LRRTM4: variants seen among roughly 807,000 people sequenced by gnomAD.
The protein encoded by LRRTM4 is leucine rich repeat transmembrane neuronal 4.
In LRRTM4, 25 loss-of-function variants were observed where a neutral mutation model predicts 47.6. The observed-to-expected ratio is 0.53, with a 90% CI of 0.38 to 0.73. The LOEUF (loss-of-function observed/expected upper bound fraction) is 0.73, where lower values mean the gene tolerates loss of function less well. Ranked by LOEUF, LRRTM4 falls within the 30% of genes least tolerant of loss-of-function variation. LRRTM4 has a pLI of 0.00. For missense variants in LRRTM4, 638 were observed against 713.4 expected (o/e 0.89, Z 1.20); for synonymous variants, 311 against 269.5 (o/e 1.15, Z -1.51).
At chr2:77,492,918 G>GA (rs1278072339) in intron 3 of LRRTM4, among the ~76,000 whole-genome samples, 4 of 151,966 alleles carry the variant, frequency 2.6e-5, no homozygotes, top group African/African-American at 9.7e-5. Flanking sequence ...GTCAACCTAG[G>GA]AAAATCTCAA....
intron 3 of LRRTM4, among the ~76,000 whole-genome samples, chr2:76,968,470 A>G (rs1259110287): frequency 1.3e-5 from 2 of 148,680 alleles, no homozygotes; most frequent in Non-Finnish European, 3.0e-5. Flanking sequence ...CTCTATATCT[A>G]TGTATCTATC....
At chr2:76,961,155 C>T (rs930504467) in intron 3 of LRRTM4, among the ~76,000 whole-genome samples, 1 of 151,372 alleles carries the variant, frequency 6.6e-6, no homozygotes, top group Non-Finnish European at 1.5e-5. Context: ...AATATACAGG[C>T]TTTCCTAACT....
intron 3 of LRRTM4, among the ~76,000 whole-genome samples, chr2:77,408,663 G>A (rs1276277976): frequency 6.6e-6 from 1 of 152,138 alleles, no homozygotes; most frequent in African/African-American, 2.4e-5. Flanking sequence ...CCCCCAGGAA[G>A]GATAGGTGCT....
intron 3 of LRRTM4, among the ~76,000 whole-genome samples, chr2:76,804,841 C>G (rs1300739247): frequency 6.6e-6 from 1 of 150,568 alleles, no homozygotes; most frequent in Non-Finnish European, 1.5e-5. Context: ...TCAAACTGCT[C>G]AAAGTTTGAT....
intron 3 of LRRTM4, among the ~76,000 whole-genome samples, chr2:77,310,582 A>G (rs1414761927): frequency 6.6e-6 from 1 of 152,048 alleles, no homozygotes; most frequent in African/African-American, 2.4e-5. Flanking sequence ...ACAACTGCTC[A>G]TTTTCAACTG....
intron 3 of LRRTM4, among the ~76,000 whole-genome samples, chr2:76,908,648 C>G (rs973926905): frequency 2.6e-5 from 4 of 152,156 alleles, no homozygotes; most frequent in Non-Finnish European, 4.4e-5. Flanking sequence ...AGCAAAGTTT[C>G]AGGACACAAA....
chr2:77,258,512 C>T (rs1428233349), intron 3 of LRRTM4, among the ~76,000 whole-genome samples: 3 of 151,732 alleles, frequency 2.0e-5, no homozygotes. Context: ...CATGAGGAAC[C>T]CTGAATATAT....
At chr2:77,090,057 C>G (rs1172427888) in intron 3 of LRRTM4, among the ~76,000 whole-genome samples, 2 of 152,100 alleles carry the variant, frequency 1.3e-5, no homozygotes, top group African/African-American at 4.8e-5. Flanking sequence ...GCTCCCCAGG[C>G]TGCTCCTCGC....
At chr2:77,084,040 C>T (rs1469500301) in intron 3 of LRRTM4, among the ~76,000 whole-genome samples, 1 of 151,790 alleles carries the variant, frequency 6.6e-6, no homozygotes, top group Admixed American at 6.6e-5. Flanking sequence ...CTCCTGACCT[C>T]GTGATCCACC....
At chr2:77,261,214 G>A (rs549666168) in intron 3 of LRRTM4, among the ~76,000 whole-genome samples, 10 of 152,168 alleles carry the variant, frequency 6.6e-5, no homozygotes, top group African/African-American at 2.4e-4. Flanking sequence ...GTAAGCCAAA[G>A]CGTAGTGCAG....
chr2:77,464,756 T>C (rs956772738), intron 3 of LRRTM4, among the ~76,000 whole-genome samples: 1 of 152,122 alleles, frequency 6.6e-6, no homozygotes, highest in African/African-American at 2.4e-5. Flanking sequence ...ATGTAGCCAA[T>C]GAACCCTCTG....
intron 3 of LRRTM4, among the ~76,000 whole-genome samples, chr2:76,802,968 T>C (rs1026302643): frequency 6.6e-6 from 1 of 152,254 alleles, no homozygotes; most frequent in East Asian, 1.9e-4. Context: ...GATTGAAAAC[T>C]TAAATGTAGG....
chr2:77,400,289 T>C (rs943890879), intron 3 of LRRTM4, among the ~76,000 whole-genome samples: 2 of 151,852 alleles, frequency 1.3e-5, no homozygotes, highest in African/African-American at 4.8e-5. Context: ...GCTGAGTAAT[T>C]GGCTCTACAA....
chr2:76,826,339 C>G (rs1671190073), intron 3 of LRRTM4, among the ~76,000 whole-genome samples: 1 of 151,422 alleles, frequency 6.6e-6, no homozygotes, highest in Admixed American at 6.6e-5. Context: ...GGTTTTGAAG[C>G]TAGGCATCAT....
chr2:76,791,146 T>C (rs922204504), intron 3 of LRRTM4, among the ~76,000 whole-genome samples: 2 of 152,056 alleles, frequency 1.3e-5, no homozygotes, highest in Non-Finnish European at 2.9e-5. Flanking sequence ...TCTTCTTAAG[T>C]GAAAACTAAA....
At chr2:77,407,237 A>G (rs1052807022) in intron 3 of LRRTM4, among the ~76,000 whole-genome samples, 11 of 152,244 alleles carry the variant, frequency 7.2e-5, no homozygotes, top group African/African-American at 2.4e-4. Context: ...AAAAAGGGAC[A>G]AGTGAAATAA....
At position 77,290,758 on chromosome 2, in the gene LRRTM4, C is replaced by G. The variant is rs375004372; in HGVS notation, c.1551+227560G>C. On this transcript the variant is annotated intron_variant, in intron 3 of 3. Transcript: ENST00000409884. Reference sequence around the variant, plus strand: ...CCTCTAAATTCCTTCACAACAGAGCCATACCTGTAATTCTAGCTTCCTTTT... The same window carrying G: ...CCTCTAAATTCCTTCACAACAGAGCGATACCTGTAATTCTAGCTTCCTTTT... Among the ~76,000 whole-genome samples, 10 of 152,082 alleles carry G rather than the reference C, an allele frequency of 6.6e-5. No individual in the cohort carries two copies. The South Asian group carries it at 2.1e-3, about 32-fold the overall frequency.
intron 3 of LRRTM4, among the ~76,000 whole-genome samples, chr2:77,359,619 C>T (rs1356607306): frequency 6.6e-6 from 1 of 152,180 alleles, no homozygotes; most frequent in East Asian, 1.9e-4. Context: ...AGTCCTTCTG[C>T]AAACTAACAG....
chr2:76,937,193 C>T (rs900190817), intron 3 of LRRTM4, among the ~76,000 whole-genome samples: 2 of 151,876 alleles, frequency 1.3e-5, no homozygotes, highest in African/African-American at 4.8e-5. Flanking sequence ...GAATGGTACT[C>T]CTTGTTTATG....
Sources: allele counts gnomAD v4.1 joint callset (sites outside exome capture counted in the v4.1 genomes callset), GRCh38; gene constraint gnomAD v4.1.1; transcripts MANE v1.5; gene names NCBI Gene and HGNC (gene_info 2026-07-23, HGNC 2026-07-21).